The following GLB1L2 variants were observed in gnomAD, a reference collection of about 807,000 sequenced individuals.
The protein encoded by GLB1L2 is galactosidase beta 1 like 2.
GLB1L2 carries 68 observed loss-of-function variants against 84.1 expected under a neutral mutation model. The ratio of observed to expected loss-of-function variants is 0.81; its 90% CI spans 0.67 to 0.99. The LOEUF is 0.99. Ranked by LOEUF, GLB1L2 falls within the 50% of genes least tolerant of loss-of-function variation. The pLI is 0.00. For synonymous variants in GLB1L2, 290 were observed against 318.0 expected (o/e 0.91, Z 0.94); for missense variants, 762 against 805.6 (o/e 0.95, Z 0.66).
intron 8 of GLB1L2, among the ~76,000 whole-genome samples, chr11:134,365,964 C>T (rs977378772): frequency 4.6e-5 from 7 of 152,230 alleles, no homozygotes; most frequent in African/African-American, 1.7e-4. Flanking sequence ...GTTATGTGCA[C>T]TCTCCCGTTT....
chr11:134,341,262 G>A (rs1943457252), intron 1 of GLB1L2, among the ~76,000 whole-genome samples: 1 of 152,194 alleles, frequency 6.6e-6, no homozygotes, highest in Admixed American at 6.5e-5. Context: ...ACTCACAGCA[G>A]AGAGTGTTGC....
rs553567130 is a variant in GLB1L2 at position 134,339,362 on chromosome 11, C to T, written c.87-3392C>T. Among the ~76,000 whole-genome samples the T allele has an allele frequency of 1.4e-4, 22 of 152,216 alleles. No homozygotes were observed. Among genetic ancestry groups the T allele is most frequent in the Admixed American group, 3.9e-4 (6 of 15,286 alleles). ...GTTAATAGCCATTTACATGATGCTT[C>T]GTTGTTTATGAAGCTGTAACTCGCA... On this transcript the variant is annotated intron_variant, in intron 1 of 18. Transcript: ENST00000535456. The surrounding 1 kb of genome is among the most constrained non-coding windows in gnomAD (Gnocchi z 5.7).
At position 134,371,028 on chromosome 11, in the gene GLB1L2, C is replaced by T; in HGVS notation, c.1236C>T (p.Pro412=). The T allele has an allele frequency of 6.2e-7, 1 of 1,614,172 alleles. No individual in the cohort carries two copies. The highest frequency in any genetic ancestry group is 8.5e-7 in the Non-Finnish European group (1 of 1,180,036). The part of the protein sequence containing the change: ...YLGEPIKSEK[P]INMENLPVNG... ...CGCAGCCAATCAAGTCTGAAAAGCCCATCAACATGGAGAACCTGCCAGTCA... is the reference window on the plus strand; with the variant it reads ...CGCAGCCAATCAAGTCTGAAAAGCCTATCAACATGGAGAACCTGCCAGTCA... The change falls in exon 13 of 19, where the codon CCC becomes CCT. Residue 412 remains proline (P), a synonymous_variant. Transcript: ENST00000535456.
intron 15 of GLB1L2, among the ~76,000 whole-genome samples, chr11:134,372,811 C>T (rs1943974976): frequency 6.6e-6 from 1 of 152,130 alleles, no homozygotes; most frequent in African/African-American, 2.4e-5. Context: ...GATCAGGGCC[C>T]TTCTAGATGG....
chr11:134,373,936 C>T, intron 16 of GLB1L2, 128 bp downstream of exon 16: 1 of 794,844 alleles, frequency 1.3e-6, no homozygotes, highest in East Asian at 2.5e-5. Flanking sequence ...GCCAGATCGG[C>T]TGGCCGAGGT....
intron 6 of GLB1L2, 128 bp from the exon 7 acceptor site, chr11:134,358,932 C>T (rs2136278790): frequency 4.7e-6 from 3 of 639,566 alleles, no homozygotes; most frequent in Non-Finnish European, 8.0e-6. Flanking sequence ...CTGTTTTTGG[C>T]AGAGAAATAA....
intron 5 of GLB1L2, among the ~76,000 whole-genome samples, chr11:134,348,222 A>T (rs1459579826): frequency 6.6e-6 from 1 of 152,256 alleles, no homozygotes; most frequent in Non-Finnish European, 1.5e-5. Flanking sequence ...TGAGTTTCAG[A>T]TAAGCAAGGA....
At position 134,375,566 on chromosome 11, in the gene GLB1L2, A is replaced by T. The variant is rs1418988115; in HGVS notation, c.*508A>T. 6.5e-6 allele frequency: 1 copy of T among 152,736 alleles called. No individual in the cohort carries two copies. The highest frequency in any genetic ancestry group is 1.5e-5 in the Non-Finnish European group (1 of 68,468). 9.5% of individuals were successfully genotyped at this position (152,736 alleles called of 1,614,324 possible). ...GAGCTGACTTTGTTCTTCCTTCACA[A>T]CCTTCTGAGCCTTCTTTGGGATTCT... On this transcript the variant is annotated 3_prime_UTR_variant, in exon 19 of 19. Coordinates refer to ENST00000535456, the MANE Select transcript of GLB1L2 (RefSeq NM_001370461.1).
At chr11:134,347,502 G>C (rs762944954) in intron 5 of GLB1L2, 69 bp downstream of exon 5, 7 of 1,089,822 alleles carry the variant, frequency 6.4e-6, no homozygotes, top group Non-Finnish European at 9.9e-6. Context: ...TCCTTGGTTA[G>C]TTCTCAGACC....
chr11:134,349,934 G>A (rs1943603333), intron 5 of GLB1L2, among the ~76,000 whole-genome samples: 1 of 152,268 alleles, frequency 6.6e-6, no homozygotes, highest in African/African-American at 2.4e-5. Context: ...GGCCTGGAAC[G>A]AGGGCCTCTT....
At position 134,371,125 on chromosome 11, in the gene GLB1L2, G is replaced by A; in HGVS notation, c.1333G>A (p.Gly445Ser). ...CATCACCTCGTCTGGCATCCTCAGTGGCCACGTGCATGATCGGGGGCAGGT... is the reference window on the plus strand; with the variant it reads ...CATCACCTCGTCTGGCATCCTCAGTAGCCACGTGCATGATCGGGGGCAGGT... ...TSITSSGILS[G>S]HVHDRGQVFV... The change falls in exon 13 of 19, where the codon GGC becomes AGC. Residue 445 changes from glycine to serine, a missense_variant. Coordinates refer to ENST00000535456, the MANE Select transcript of GLB1L2 (RefSeq NM_001370461.1). 2 of 1,614,212 alleles carry A rather than the reference G, an allele frequency of 1.2e-6. No homozygotes were observed. Among genetic ancestry groups the A allele is most frequent in the Non-Finnish European group, 1.7e-6 (2 of 1,180,038 alleles).
chr11:134,350,418 G>A (rs1267792612), intron 5 of GLB1L2, among the ~76,000 whole-genome samples: 1 of 152,156 alleles, frequency 6.6e-6, no homozygotes, highest in Non-Finnish European at 1.5e-5. Context: ...TGAGTTCAAT[G>A]TAAAGTTCCC....
intron 9 of GLB1L2, 93 bp from the exon 10 acceptor site, chr11:134,368,551 G>A (rs1943895315): frequency 2.2e-6 from 3 of 1,368,320 alleles, no homozygotes; most frequent in Non-Finnish European, 2.0e-6. Flanking sequence ...AGGTTTTGAG[G>A]TGGGACTGGG....
At chr11:134,369,950 AG>A in intron 11 of GLB1L2, 65 bp downstream of exon 11, 1 of 1,369,560 alleles carries the variant, frequency 7.3e-7, no homozygotes, top group Non-Finnish European at 1.0e-6. Flanking sequence ...AGACCCCTAA[AG>A]AGTTACTTCC....
chr11:134,339,872 G>T lies in GLB1L2; in HGVS notation c.87-2882G>T, dbSNP rs1279971320. Among the ~76,000 whole-genome samples the T allele has an allele frequency of 6.6e-6, 1 of 152,162 alleles. No individual in the cohort carries two copies. The highest frequency in any genetic ancestry group is 1.5e-5 in the Non-Finnish European group (1 of 68,034). On this transcript the variant is annotated intron_variant, in intron 1 of 18. Coordinates refer to ENST00000535456, the MANE Select transcript of GLB1L2 (RefSeq NM_001370461.1). This position sits in a 1 kb window ranked among gnomAD's most constrained non-coding sequence, Gnocchi z 5.7. ...TGGTGGATAGAAGTTGTTGAATTGG[G>T]ATGCCTCTTTCCAGGTGTCTGCACT...
At position 134,338,971 on chromosome 11, in the gene GLB1L2, C is replaced by G. The variant is rs1176803640; in HGVS notation, c.87-3783C>G. Among the ~76,000 whole-genome samples, 1 of 152,162 alleles carries G rather than the reference C, an allele frequency of 6.6e-6. No homozygotes were observed. The highest frequency in any genetic ancestry group is 2.4e-5 in the African/African-American group (1 of 41,422). On this transcript the variant is annotated intron_variant, in intron 1 of 18. Coordinates refer to ENST00000535456, the MANE Select transcript of GLB1L2 (RefSeq NM_001370461.1). The surrounding 1 kb of genome is among the most constrained non-coding windows in gnomAD (Gnocchi z 6.2). Reference sequence around the variant, plus strand: ...TTCAGGGTTTGCTGTCCGGACTCTTCTAAGGTGGAAAAATCGCTTTGGATA... The same window carrying G: ...TTCAGGGTTTGCTGTCCGGACTCTTGTAAGGTGGAAAAATCGCTTTGGATA...
At chr11:134,367,871 G>A (rs951862281) in intron 9 of GLB1L2, among the ~76,000 whole-genome samples, 2 of 152,216 alleles carry the variant, frequency 1.3e-5, no homozygotes, top group Admixed American at 6.5e-5. Context: ...ACAGTCTCCC[G>A]GGTTGTTTCT....
intron 1 of GLB1L2, among the ~76,000 whole-genome samples, chr11:134,337,749 T>C (rs1356184641): frequency 6.6e-6 from 1 of 152,162 alleles, no homozygotes; most frequent in Non-Finnish European, 1.5e-5. Flanking sequence ...CTGAACACAC[T>C]TGCCATCACA....
chr11:134,352,580 TC>T (rs992631401), intron 5 of GLB1L2, among the ~76,000 whole-genome samples: 1 of 152,124 alleles, frequency 6.6e-6, no homozygotes, highest in African/African-American at 2.4e-5. Flanking sequence ...CTATAAAATT[TC>T]CCTCTTTGCA....
Sources: gnomAD v4.1 joint callset for allele counts (sites outside exome capture counted in the v4.1 genomes callset) on GRCh38, gnomAD v4.1.1 for gene constraint, Gnocchi (gnomAD v3.1) non-coding constraint, MANE v1.5 for transcripts, NCBI Gene and HGNC (gene_info 2026-07-23, HGNC 2026-07-21) for gene names.